The following NFATC2 variants were observed in gnomAD, a reference collection of about 807,000 sequenced individuals.
NFATC2 encodes nuclear factor of activated T cells 2.
In NFATC2, 22 loss-of-function variants were observed where a neutral mutation model predicts 87.3. That is an observed-to-expected ratio of 0.25 (90% CI 0.18 to 0.36). The LOEUF (loss-of-function observed/expected upper bound fraction) is 0.36, where lower values mean the gene tolerates loss of function less well. NFATC2 is among the 10% of genes least tolerant of loss of function. NFATC2 has a pLI of 1.00. For synonymous variants in NFATC2, 565 were observed against 542.2 expected (o/e 1.04, Z -0.58); for missense variants, 1,149 against 1,259.1 (o/e 0.91, Z 1.32).
At chr20:51,482,509 T>C (rs1358332474) in intron 3 of NFATC2, among the ~76,000 whole-genome samples, 19 of 152,194 alleles carry the variant, frequency 1.2e-4, no homozygotes, top group Non-Finnish European at 7.3e-5. Context: ...TTCCAAACTG[T>C]TTTATTATTC....
At chr20:51,468,419 C>A (rs1055669646) in intron 5 of NFATC2, among the ~76,000 whole-genome samples, 2 of 152,222 alleles carry the variant, frequency 1.3e-5, no homozygotes, top group Admixed American at 1.3e-4. Context: ...CCAAGCCCTG[C>A]AAAATGAGCA....
At chr20:51,494,551 C>T (rs1040169907) in intron 3 of NFATC2, among the ~76,000 whole-genome samples, 1 of 152,108 alleles carries the variant, frequency 6.6e-6, no homozygotes, top group African/African-American at 2.4e-5. Context: ...CAGCATCCTA[C>T]CCTTGCCCAG....
At chr20:51,533,913 G>T (rs961661680) in intron 1 of NFATC2, among the ~76,000 whole-genome samples, 7 of 152,230 alleles carry the variant, frequency 4.6e-5, no homozygotes, top group Non-Finnish European at 7.3e-5. Context: ...CCAGGCATGT[G>T]GCACACATAA....
chr20:51,503,779 T>C (rs1393262199), intron 3 of NFATC2, among the ~76,000 whole-genome samples: 1 of 152,202 alleles, frequency 6.6e-6, no homozygotes, highest in South Asian at 2.1e-4. Context: ...TAGATACCAA[T>C]GGATGACAAA....
rs551454150 is a variant in NFATC2, at chr20:51,551,412, TA to T, written c.70+11147del. Among the ~76,000 whole-genome samples the T allele has an allele frequency of 2.0e-3, 307 of 152,204 alleles. 1 individual carries two copies. Among genetic ancestry groups the T allele is most frequent in the Non-Finnish European group, 3.8e-3 (256 of 67,996 alleles). On this transcript the variant is annotated intron_variant, in intron 1 of 10. Transcript: ENST00000414705. ...TCTTTATTTAACATTTTTATTTATT[TA>T]TTTTTTTTGAGACAGGGTCCCACTC...
chr20:51,413,481 G>A (rs1000660351), intron 9 of NFATC2, among the ~76,000 whole-genome samples: 4 of 152,218 alleles, frequency 2.6e-5, no homozygotes, highest in Admixed American at 1.3e-4. Context: ...TAAAGAGGCG[G>A]GGTGTGGCAG....
intron 6 of NFATC2, among the ~76,000 whole-genome samples, chr20:51,439,029 G>C (rs1252969192): frequency 6.6e-6 from 1 of 152,164 alleles, no homozygotes; most frequent in Non-Finnish European, 1.5e-5. Context: ...ATCTCATGTG[G>C]GTGGGACCCT....
intron 1 of NFATC2, among the ~76,000 whole-genome samples, chr20:51,527,171 GA>G (rs148198680): frequency 0.27 from 40,989 of 151,922 alleles, 5,648 homozygotes; most frequent in Admixed American, 0.34. Context: ...AAAGTGTTGT[GA>G]TTACAGACGA....
At chr20:51,430,488 G>A (rs1261649834) in intron 9 of NFATC2, among the ~76,000 whole-genome samples, 1 of 152,208 alleles carries the variant, frequency 6.6e-6, no homozygotes, top group African/African-American at 2.4e-5. Context: ...AACTCAACCT[G>A]TGCTTGATTA....
chr20:51,515,761 A>G (rs1412470580), intron 3 of NFATC2, among the ~76,000 whole-genome samples: 2 of 151,538 alleles, frequency 1.3e-5, no homozygotes, highest in East Asian at 3.9e-4. Flanking sequence ...AGAGGTACAC[A>G]CCCAAAGCAC....
intron 3 of NFATC2, among the ~76,000 whole-genome samples, chr20:51,503,075 G>A (rs557230634): frequency 2.6e-5 from 4 of 152,222 alleles, no homozygotes; most frequent in East Asian, 1.9e-4. Context: ...CAAAGACCAC[G>A]AATACAACCT....
chr20:51,542,365 C>G lies in NFATC2; in HGVS notation c.130+5G>C. 6.2e-7 allele frequency: 1 copy of G among 1,604,820 alleles called. No individual in the cohort carries two copies. Among genetic ancestry groups the G allele is most frequent in the Non-Finnish European group, 8.5e-7 (1 of 1,175,416 alleles). Reference sequence around the variant, plus strand: ...GGGGCCAGGCCAGGGGTAGCCTCCACCGACCTTCGTTCGGATTCAAATACT... The same window carrying G: ...GGGGCCAGGCCAGGGGTAGCCTCCAGCGACCTTCGTTCGGATTCAAATACT... On this transcript the variant is annotated splice_donor_5th_base_variant and intron_variant, in intron 1 of 10. Transcript: ENST00000371564.
intron 6 of NFATC2, among the ~76,000 whole-genome samples, chr20:51,446,590 AT>A (rs2146395458): frequency 6.6e-6 from 1 of 152,280 alleles, no homozygotes; most frequent in East Asian, 1.9e-4. Flanking sequence ...CTAAAAACTC[AT>A]TTCTCTGTGG....
intron 2 of NFATC2, among the ~76,000 whole-genome samples, chr20:51,519,010 G>T (rs943597670): frequency 1.3e-5 from 2 of 151,784 alleles, no homozygotes; most frequent in South Asian, 4.2e-4. Flanking sequence ...TTACAGGTGT[G>T]AGCCACTGCG....
At chr20:51,547,747 C>A (rs1229912650) in intron 1 of NFATC2, among the ~76,000 whole-genome samples, 1 of 152,162 alleles carries the variant, frequency 6.6e-6, no homozygotes, top group Non-Finnish European at 1.5e-5. Flanking sequence ...AATCAAACAC[C>A]AAAGAGTGGT....
chr20:51,486,711 T>C (rs190077717), intron 3 of NFATC2, among the ~76,000 whole-genome samples: 2 of 151,884 alleles, frequency 1.3e-5, no homozygotes, highest in Non-Finnish European at 1.5e-5. Flanking sequence ...AATAGATTGA[T>C]TCTCAGGTTC....
intron 5 of NFATC2, among the ~76,000 whole-genome samples, chr20:51,467,028 C>T (rs189229039): frequency 1.2e-3 from 172 of 146,482 alleles, no homozygotes; most frequent in Non-Finnish European, 2.3e-3. Flanking sequence ...GCCAAGACTG[C>T]GCCATTGCAC....
Position 51,542,668 on chromosome 20 carries a change from C to T in NFATC2, c.-169G>A. 1 of 1,119,904 alleles carries T rather than the reference C, an allele frequency of 8.9e-7. No individual in the cohort carries two copies. The highest frequency in any genetic ancestry group is 1.1e-6 in the Non-Finnish European group (1 of 915,996). 69.4% of individuals were successfully genotyped at this position (1,119,904 alleles called of 1,614,324 possible). A position where few individuals can be genotyped will look rare whatever the true frequency, so the allele number is the denominator to read the frequency against. On this transcript the variant is annotated 5_prime_UTR_variant, in exon 1 of 11. Transcript: ENST00000371564. ...CGCGCCTGGCGCAGCGGGTCCTGGACGCGCCCGGGGAAGCTGAGCGGCGGC... is the reference window on the plus strand; with the variant it reads ...CGCGCCTGGCGCAGCGGGTCCTGGATGCGCCCGGGGAAGCTGAGCGGCGGC...
chr20:51,544,056 T>A (rs1003030739), upstream of NFATC2, among the ~76,000 whole-genome samples: 5 of 143,508 alleles, frequency 3.5e-5, no homozygotes, highest in Non-Finnish European at 6.0e-5. Context: ...GGCGCGATCT[T>A]GGCTCATTGC....
Sources: allele counts gnomAD v4.1 joint callset (sites outside exome capture counted in the v4.1 genomes callset), GRCh38; gene constraint gnomAD v4.1.1; transcripts MANE v1.5; gene names NCBI Gene and HGNC (gene_info 2026-07-23, HGNC 2026-07-21).